SP100: variants seen among roughly 807,000 people sequenced by gnomAD.
SP100 encodes the protein nuclear autoantigen Sp-100.
Under a neutral mutation model 130.0 loss-of-function variants are expected in SP100, and 84 were observed. The observed-to-expected ratio is 0.65, with a 90% CI of 0.54 to 0.77. The LOEUF is 0.77. Among genes scored for constraint, SP100 ranks in the 30% least tolerant of loss-of-function variants. The pLI is 0.00. For synonymous variants in SP100, 331 were observed against 351.7 expected, an observed-to-expected ratio of 0.94 and a Z score of 0.66; for missense variants, 978 against 1,052.2, an observed-to-expected ratio of 0.93 and a Z score of 0.97.
chr2:230,533,000 C>T (rs1320674808), intron 24 of SP100, among the ~76,000 whole-genome samples: 2 of 152,152 alleles, frequency 1.3e-5, no homozygotes, highest in South Asian at 2.1e-4. Flanking sequence ...AGGCTGGTGT[C>T]GAACGCCTAA....
chr2:230,494,472 T>C lies in SP100; in HGVS notation c.1645+12T>C. On this transcript the variant is annotated intron_variant, in intron 18 of 28. Transcript: ENST00000340126. ...TGGTCTCCAAAGAGGTAAGAAGAAA[T>C]GTGGGGATTTACTCCTTTGAACTCG... The C allele has an allele frequency of 6.3e-7, 1 of 1,598,550 alleles. No individual in the cohort carries two copies. Among genetic ancestry groups the C allele is most frequent in the Non-Finnish European group, 8.6e-7 (1 of 1,166,064 alleles).
At chr2:230,461,469 G>C in intron 9 of SP100, 55 bp downstream of exon 9, 1 of 1,580,748 alleles carries the variant, frequency 6.3e-7, no homozygotes, top group Non-Finnish European at 8.7e-7. Context: ...CAGGTAAGGG[G>C]CTCAGGGACT....
In SP100 at chr2:230,443,234, G is replaced by A. The variant is rs190656135; in HGVS notation, c.270+135G>A. 2.4e-5 allele frequency: 18 copies of A among 745,820 alleles called. No homozygotes were observed. The African/African-American group carries it at 3.0e-4, about 12-fold the overall frequency. 46.2% of individuals were successfully genotyped at this position (745,820 alleles called of 1,614,324 possible). A position where few individuals can be genotyped will look rare whatever the true frequency, so the allele number is the denominator to read the frequency against. On this transcript the variant is annotated intron_variant, in intron 3 of 28. Transcript: ENST00000340126. ...CTATGAGTGGGGAACTTTTTCAAGT[G>A]TTTCTGTAAGTGCTCCTGTAAAGTA...
At chr2:230,523,105 T>TGG (rs777199797) in intron 24 of SP100, among the ~76,000 whole-genome samples, 2 of 152,124 alleles carry the variant, frequency 1.3e-5, no homozygotes, top group African/African-American at 2.4e-5. Flanking sequence ...CTTTGGAGCC[T>TGG]GGGGAGATTT....
chr2:230,542,414 C>T (rs1692213922), intron 28 of SP100, among the ~76,000 whole-genome samples: 1 of 152,064 alleles, frequency 6.6e-6, no homozygotes, highest in Non-Finnish European at 1.5e-5. Flanking sequence ...TCTCAAATGT[C>T]AAAATATTGA....
At chr2:230,542,063 T>G in intron 28 of SP100, 28 bp downstream of exon 28, 1 of 1,610,988 alleles carries the variant, frequency 6.2e-7, no homozygotes, top group Non-Finnish European at 8.5e-7. Flanking sequence ...CTTCCTTTTC[T>G]CTTTCAATTA....
In SP100 at chr2:230,441,774, G is replaced by A. The variant is rs114926883; in HGVS notation, c.108-1163G>A. On this transcript the variant is annotated intron_variant, in intron 2 of 28. Coordinates refer to ENST00000340126, the MANE Select transcript of SP100 (RefSeq NM_001080391.2). ...TGACGGGCAGGGCACACACTGTTCT[G>A]TTCATTTCTCAAATAACACATCAGT... is the stretch of plus-strand genomic sequence containing the variant. 9.2e-3 allele frequency among the ~76,000 whole-genome samples: 1,401 copies of A among 152,218 alleles called. 23 individuals carry two copies. Among genetic ancestry groups the A allele is most frequent in the African/African-American group, 0.032 (1,342 of 41,530 alleles).
intron 24 of SP100, among the ~76,000 whole-genome samples, chr2:230,512,673 G>C (rs116928618): frequency 6.6e-6 from 1 of 152,108 alleles, no homozygotes; most frequent in Non-Finnish European, 1.5e-5. Context: ...TCCACAGACC[G>C]GGATGGGGTT....
intron 24 of SP100, among the ~76,000 whole-genome samples, chr2:230,532,169 T>C (rs1691729499): frequency 6.6e-6 from 1 of 152,170 alleles, no homozygotes. Flanking sequence ...TTGATGGTTT[T>C]TCTTACTTCT....
At chr2:230,526,162 C>T (rs535832815) in intron 24 of SP100, among the ~76,000 whole-genome samples, 6 of 152,250 alleles carry the variant, frequency 3.9e-5, no homozygotes, top group South Asian at 4.1e-4. Context: ...TAGGGGCTCA[C>T]GGACACCTCA....
chr2:230,448,485 C>T (rs1453367011), intron 5 of SP100, among the ~76,000 whole-genome samples: 2 of 152,104 alleles, frequency 1.3e-5, no homozygotes, highest in African/African-American at 2.4e-5. Context: ...TAAGGAAAAA[C>T]CCAGATGTTC....
At chr2:230,457,329 C>G (rs1435996828) in intron 8 of SP100, among the ~76,000 whole-genome samples, 1 of 152,210 alleles carries the variant, frequency 6.6e-6, no homozygotes, top group Admixed American at 6.5e-5. Flanking sequence ...GCCACTTGGT[C>G]CAGTTTGGCA....
At chr2:230,461,714 T>C (rs2064648290) in intron 9 of SP100, among the ~76,000 whole-genome samples, 2 of 152,128 alleles carry the variant, frequency 1.3e-5, no homozygotes, top group Middle Eastern at 3.4e-3. Flanking sequence ...TTTGTGAGGC[T>C]AAGGCAGGGG....
chr2:230,467,692 G>A (rs1475078443), intron 13 of SP100, among the ~76,000 whole-genome samples: 2 of 152,160 alleles, frequency 1.3e-5, no homozygotes, highest in Non-Finnish European at 2.9e-5. Flanking sequence ...CTCTCCCCAT[G>A]ATTCAATTAC....
At chr2:230,417,179 T>C (rs1333444466) in intron 1 of SP100, among the ~76,000 whole-genome samples, 1 of 152,188 alleles carries the variant, frequency 6.6e-6, no homozygotes, top group Non-Finnish European at 1.5e-5. Context: ...TTCTTATATT[T>C]TTCTATGCAT....
At chr2:230,491,975 T>G (rs2150040584) in intron 17 of SP100, among the ~76,000 whole-genome samples, 1 of 152,318 alleles carries the variant, frequency 6.6e-6, no homozygotes, top group South Asian at 2.1e-4. Context: ...TACTTCCAAT[T>G]TAAAGAAGGT....
At chr2:230,519,067 A>G (rs1300409955) in intron 24 of SP100, among the ~76,000 whole-genome samples, 1 of 152,234 alleles carries the variant, frequency 6.6e-6, no homozygotes, top group Non-Finnish European at 1.5e-5. Context: ...TACAAGTTAA[A>G]GTTATCTGTC....
intron 17 of SP100, among the ~76,000 whole-genome samples, chr2:230,477,939 C>CA (rs11420486): frequency 0.54 from 66,793 of 123,362 alleles, 18,610 homozygotes; most frequent in South Asian, 0.69. Flanking sequence ...TGTCTCAAAA[C>CA]AAAACAAACA....
chr2:230,526,248 T>C (rs1208077097), intron 24 of SP100, among the ~76,000 whole-genome samples: 2 of 152,184 alleles, frequency 1.3e-5, no homozygotes, highest in African/African-American at 4.8e-5. Context: ...TTGCAGCCTC[T>C]GGTGGTGATA....
Sources: gnomAD v4.1 joint callset for allele counts (sites outside exome capture counted in the v4.1 genomes callset) on GRCh38, gnomAD v4.1.1 for gene constraint, MANE v1.5 for transcripts, NCBI Gene and HGNC (gene_info 2026-07-23, HGNC 2026-07-21) for gene names.